Variants in TMEM132B observed in about 807,000 individuals in gnomAD.
The protein encoded by TMEM132B is transmembrane protein 132B.
TMEM132B carries 18 observed loss-of-function variants against 90.8 expected under a neutral mutation model. That is an observed-to-expected ratio of 0.20 (90% CI 0.14 to 0.29). The LOEUF is 0.29. Ranked by LOEUF, TMEM132B falls within the 10% of genes least tolerant of loss-of-function variation. The pLI is 1.00. For synonymous variants in TMEM132B, 504 were observed against 523.3 expected (o/e 0.96, Z 0.50); for missense variants, 1,096 against 1,326.8 (o/e 0.83, Z 2.70).
intron 3 of TMEM132B, among the ~76,000 whole-genome samples, chr12:125,483,160 G>T (rs919883549): frequency 1.3e-5 from 2 of 151,812 alleles, no homozygotes; most frequent in Admixed American, 6.6e-5. Flanking sequence ...CGAGTTAATG[G>T]GTGCAGCAAA....
intron 5 of TMEM132B, among the ~76,000 whole-genome samples, chr12:125,623,870 T>G (rs1217467366): frequency 6.6e-6 from 1 of 152,172 alleles, no homozygotes; most frequent in African/African-American, 2.4e-5. Context: ...CTCTATGCCT[T>G]TAAGACAGTG....
chr12:125,481,403 C>G (rs1882039288), intron 3 of TMEM132B, among the ~76,000 whole-genome samples: 2 of 152,220 alleles, frequency 1.3e-5, no homozygotes. Context: ...GCTACTTCAG[C>G]AAAGTCTCAG....
intron 3 of TMEM132B, among the ~76,000 whole-genome samples, chr12:125,484,836 C>G (rs1425045268): frequency 1.3e-5 from 2 of 152,106 alleles, no homozygotes; most frequent in African/African-American, 4.8e-5. Context: ...AACTCTTTTG[C>G]TCAGGCAATC....
chr12:125,224,182 T>G (rs559603333), intron 1 of TMEM132B, among the ~76,000 whole-genome samples: 1 of 152,354 alleles, frequency 6.6e-6, no homozygotes, highest in South Asian at 2.1e-4. Context: ...TTTAATCCAT[T>G]CATTTGTTGA....
intron 1 of TMEM132B, among the ~76,000 whole-genome samples, chr12:125,268,842 C>T (rs547774624): frequency 8.5e-5 from 13 of 152,234 alleles, no homozygotes; most frequent in African/African-American, 2.4e-4. Context: ...TCTGAGAGGG[C>T]GTGGGTTTCC....
chr12:125,422,364 G>A (rs762095718), intron 3 of TMEM132B, among the ~76,000 whole-genome samples: 7 of 152,192 alleles, frequency 4.6e-5, no homozygotes, highest in Non-Finnish European at 7.3e-5. Flanking sequence ...ATGGCAAAGC[G>A]CCTGTGCTGT....
chr12:125,275,365 C>A (rs1008917753), intron 1 of TMEM132B, among the ~76,000 whole-genome samples: 2 of 152,178 alleles, frequency 1.3e-5, no homozygotes, highest in South Asian at 2.1e-4. Flanking sequence ...CTAGCTCATT[C>A]TTTCAGGAAG....
intron 5 of TMEM132B, among the ~76,000 whole-genome samples, chr12:125,621,193 TA>T (rs1886103700): frequency 6.6e-6 from 1 of 152,104 alleles, no homozygotes; most frequent in African/African-American, 2.4e-5. Context: ...GGGTAAAATG[TA>T]AAAGTAAAAT....
chr12:125,258,891 C>T (rs971410404), intron 1 of TMEM132B, among the ~76,000 whole-genome samples: 19 of 152,092 alleles, frequency 1.2e-4, no homozygotes, highest in African/African-American at 4.1e-4. Flanking sequence ...ATACTGAATG[C>T]GGAGAAGGAG....
At chr12:125,499,489 T>C (rs1248671600) in intron 3 of TMEM132B, among the ~76,000 whole-genome samples, 1 of 152,192 alleles carries the variant, frequency 6.6e-6, no homozygotes, top group Non-Finnish European at 1.5e-5. Flanking sequence ...AGCCTATGAA[T>C]GGACATGCAG....
At chr12:125,616,732 C>T (rs978701582) in intron 5 of TMEM132B, among the ~76,000 whole-genome samples, 1 of 152,062 alleles carries the variant, frequency 6.6e-6, no homozygotes, top group Non-Finnish European at 1.5e-5. Flanking sequence ...TTTGTGTTCC[C>T]CCACCCAATT....
chr12:125,306,169 G>T (rs566300614), intron 1 of TMEM132B, among the ~76,000 whole-genome samples: 39 of 152,368 alleles, frequency 2.6e-4, no homozygotes, highest in African/African-American at 8.9e-4. Context: ...GGAGTCTAAA[G>T]TTGGCAGATT....
At chr12:125,488,481 C>T (rs778342880) in intron 3 of TMEM132B, among the ~76,000 whole-genome samples, 11 of 152,144 alleles carry the variant, frequency 7.2e-5, no homozygotes, top group Non-Finnish European at 1.6e-4. Context: ...GGGGGCGGGT[C>T]TTTCCTATGC....
chr12:125,648,149 C>T (rs1251418424), intron 6 of TMEM132B, among the ~76,000 whole-genome samples: 13 of 146,922 alleles, frequency 8.8e-5, no homozygotes, highest in African/African-American at 2.0e-4. Context: ...TGAGAATATG[C>T]GGTGTTCGGT....
chr12:125,211,236 G>A (rs1481262231), intron 1 of TMEM132B, among the ~76,000 whole-genome samples: 3 of 152,120 alleles, frequency 2.0e-5, no homozygotes, highest in African/African-American at 4.8e-5. Flanking sequence ...GAACAGGCTC[G>A]ACTGTGATTG....
rs182817417 is a variant in TMEM132B, at chr12:125,609,786, C to T, written c.1437+25792C>T. Among the ~76,000 whole-genome samples the T allele has an allele frequency of 3.0e-3, 371 of 124,642 alleles. 2 individuals are homozygous for T. Among genetic ancestry groups the T allele is most frequent in the African/African-American group, 0.011 (349 of 32,782 alleles). The allele number at this position is 124,642 out of a possible 152,430, so 81.8% of individuals were successfully genotyped here. ...GAGCCGAGATTGCGCCACTGCACTC[C>T]AGCCTGGGCGACAGAGTGAGACTCT... On this transcript the variant is annotated intron_variant, in intron 5 of 8. Transcript: ENST00000682704.
At chr12:125,323,725 G>A (rs1352334664) in intron 1 of TMEM132B, among the ~76,000 whole-genome samples, 1 of 152,120 alleles carries the variant, frequency 6.6e-6, no homozygotes, top group Non-Finnish European at 1.5e-5. Context: ...TGCCACGTTG[G>A]TCAGGCTGGT....
intron 4 of TMEM132B, among the ~76,000 whole-genome samples, chr12:125,529,683 T>C (rs547812303): frequency 6.6e-6 from 1 of 152,194 alleles, no homozygotes; most frequent in Non-Finnish European, 1.5e-5. Flanking sequence ...TGTCCCAGCT[T>C]TGGGAAGCCA....
chr12:125,220,628 G>A (rs1873535341), intron 1 of TMEM132B, among the ~76,000 whole-genome samples: 1 of 152,206 alleles, frequency 6.6e-6, no homozygotes, highest in African/African-American at 2.4e-5. Flanking sequence ...TGGGAGGCAG[G>A]CACCACGGAG....
Sources: allele counts gnomAD v4.1 joint callset (sites outside exome capture counted in the v4.1 genomes callset), GRCh38; gene constraint gnomAD v4.1.1; transcripts MANE v1.5; gene names NCBI Gene and HGNC (gene_info 2026-07-23, HGNC 2026-07-21).